The following P2RY10 variants were observed in gnomAD, a reference collection of about 807,000 sequenced individuals.
P2RY10 encodes putative P2Y purinoceptor 10.
Under a neutral mutation model 12.1 loss-of-function variants are expected in P2RY10, and 4 were observed. The observed-to-expected ratio is 0.33, with a 90% CI of 0.16 to 0.76. The LOEUF (loss-of-function observed/expected upper bound fraction) is 0.76, where lower values mean the gene tolerates loss of function less well. P2RY10 is among the 30% of genes least tolerant of loss of function. P2RY10 has a pLI of 0.61. For missense variants in P2RY10, 233 were observed against 264.6 expected (o/e 0.88, Z 0.83); for synonymous variants, 112 against 94.1 (o/e 1.19, Z -1.10).
At chrX:78,957,391 G>C (rs545016052) in intron 3 of P2RY10, among the ~76,000 whole-genome samples, 3,140 of 53,926 alleles carry the variant, frequency 0.058, 70 homozygotes, top group African/African-American at 0.082. Flanking sequence ...CACACACAGA[G>C]AGAGAGAGAG....
At position 78,959,672 on chromosome X, in the gene P2RY10, G is replaced by A. The variant is rs191406423; in HGVS notation, c.-13-836G>A. On this transcript the variant is annotated intron_variant, in intron 3 of 3. Transcript: ENST00000171757. ...TGGCCCTGTTTTGCTAGTGCCCAAAGCATTGCTAGTGCCCACAAGCATTGC... is the reference window on the plus strand; with the variant it reads ...TGGCCCTGTTTTGCTAGTGCCCAAAACATTGCTAGTGCCCACAAGCATTGC... 1.7e-3 allele frequency among the ~76,000 whole-genome samples: 195 copies of A among 111,576 alleles called. 1 individual carries two copies. In the Middle Eastern group the frequency reaches 0.019, roughly 11 times the overall value.
chrX:78,960,394 A>T (rs1922548217), intron 3 of P2RY10, 114 bp from the exon 4 acceptor site: 1 of 554,993 alleles, frequency 1.8e-6, no homozygotes, highest in African/African-American at 2.4e-5. Context: ...ATATGTAAAC[A>T]TGTCTCTTCT....
chrX:78,959,288 T>A (rs188109906), intron 3 of P2RY10, among the ~76,000 whole-genome samples: 1 of 111,208 alleles, frequency 9.0e-6, no homozygotes, highest in Admixed American at 9.6e-5. Flanking sequence ...TGTGTGGCCA[T>A]AATAAACTCC....
chrX:78,951,167 C>A (rs1193571696), intron 2 of P2RY10, among the ~76,000 whole-genome samples: 1 of 111,692 alleles, frequency 9.0e-6, no homozygotes, highest in Non-Finnish European at 1.9e-5. Flanking sequence ...TTGGGCTCAG[C>A]TCCAATGAAT....
At position 78,962,730 on chromosome X, in the gene P2RY10, A is replaced by C. The variant is rs1306044533; in HGVS notation, c.*1190A>C. Among the ~76,000 whole-genome samples the C allele has an allele frequency of 9.0e-6, 1 of 111,235 alleles. No homozygotes were observed. The highest frequency in any genetic ancestry group is 9.6e-5 in the Admixed American group (1 of 10,462). On this transcript the variant is annotated 3_prime_UTR_variant, in exon 4 of 4. Transcript: ENST00000171757. ...TCAAATAGTTCATTATTTCTAAAAA[A>C]TGTATATTTTAAGGCATGATACAAG...
Position 78,960,511 on chromosome X carries a change from C to A in P2RY10, c.-10C>A, listed in dbSNP as rs952509150. ...TATTTTGTTTTACTTTGGGCAGGAA[C>A]CATAAATCCATGGCTAACCTTGACA... On this transcript the variant is annotated 5_prime_UTR_variant, in exon 4 of 4. Transcript: ENST00000171757. 1 of 1,199,406 alleles carries A rather than the reference C, an allele frequency of 8.3e-7. No homozygotes were observed. The highest frequency in any genetic ancestry group is 1.8e-5 in the South Asian group (1 of 54,841).
chrX:78,946,934 G>T (rs752046515), intron 1 of P2RY10, among the ~76,000 whole-genome samples: 25 of 112,169 alleles, frequency 2.2e-4, no homozygotes, highest in Non-Finnish European at 3.6e-4. Context: ...AGGCCAGCCT[G>T]CTGGGCTTGG....
At position 78,952,224 on chromosome X, in the gene P2RY10, G is replaced by T. The variant is rs767474902; in HGVS notation, c.-125G>T. 62 of 749,336 alleles carry T rather than the reference G, an allele frequency of 8.3e-5. No individual in the cohort carries two copies. The highest frequency in any genetic ancestry group is 9.8e-5 in the Non-Finnish European group (62 of 634,944). 61.8% of individuals were successfully genotyped at this position (749,336 alleles called of 1,213,427 possible). A position where few individuals can be genotyped will look rare whatever the true frequency, so the allele number is the denominator to read the frequency against. On this transcript the variant is annotated 5_prime_UTR_variant, in exon 3 of 4. Coordinates refer to ENST00000171757, the MANE Select transcript of P2RY10 (RefSeq NM_014499.4). ...ACTCTATGCTGGTCATTCCCTTCAG[G>T]ATTTGGCACTCACCAACATACCCTT...
At position 78,948,651 on chromosome X, in the gene P2RY10, A is replaced by G. The variant is rs1921960589; in HGVS notation, c.-157+788A>G. ...CTCTTCTGAGTCTCTAGATTCCATT[A>G]TATCACTCTGTATACCTTTGCATAA... On this transcript the variant is annotated intron_variant, in intron 2 of 3. Transcript: ENST00000171757. 2.7e-5 allele frequency among the ~76,000 whole-genome samples: 3 copies of G among 111,460 alleles called. No individual in the cohort carries two copies. The Admixed American group carries it at 2.9e-4, about 11-fold the overall frequency.
chrX:78,954,283 T>C (rs1291767534), intron 3 of P2RY10, among the ~76,000 whole-genome samples: 1 of 111,893 alleles, frequency 8.9e-6, no homozygotes, highest in East Asian at 2.8e-4. Context: ...AAATCTTTCA[T>C]GACCCGGTAA....
At chrX:78,949,240 C>G (rs2858573) in intron 2 of P2RY10, among the ~76,000 whole-genome samples, 8 of 111,636 alleles carry the variant, frequency 7.2e-5, no homozygotes, top group African/African-American at 2.6e-4. Context: ...GGGATTATTT[C>G]TCTTTCTATT....
intron 3 of P2RY10, among the ~76,000 whole-genome samples, chrX:78,955,589 T>C (rs1922299278): frequency 8.9e-6 from 1 of 111,813 alleles, no homozygotes; most frequent in Admixed American, 9.5e-5. Context: ...AAATGTTTCT[T>C]TTCCAACTTT....
Position 78,962,779 on chromosome X carries a change from GA to G in P2RY10, c.*1249del, listed in dbSNP as rs58003072. On this transcript the variant is annotated 3_prime_UTR_variant, in exon 4 of 4. Coordinates refer to ENST00000171757, the MANE Select transcript of P2RY10 (RefSeq NM_014499.4). ...AGTCCTACAAACCTCATAAGTAGGTGAAAAAAAAAACCCTGTGGAGTGATAA... is the reference window on the plus strand; with the variant it reads ...AGTCCTACAAACCTCATAAGTAGGTGAAAAAAAAACCCTGTGGAGTGATAA... Among the ~76,000 whole-genome samples the G allele has an allele frequency of 3.5e-4, 37 of 105,820 alleles. No homozygotes were observed. Among genetic ancestry groups the G allele is most frequent in the East Asian group, 2.4e-3 (8 of 3,390 alleles). 91.9% of individuals were successfully genotyped at this position (105,820 alleles called of 115,157 possible). A position where few individuals can be genotyped will look rare whatever the true frequency, so the allele number is the denominator to read the frequency against.
At chrX:78,957,385 C>A in intron 3 of P2RY10, among the ~76,000 whole-genome samples, 1 of 81,925 alleles carries the variant, frequency 1.2e-5, no homozygotes, top group East Asian at 3.2e-4. Flanking sequence ...CACACACACA[C>A]ACAGAGAGAG....
intron 3 of P2RY10, 43 bp from the exon 4 acceptor site, chrX:78,960,465 C>T: frequency 9.8e-7 from 1 of 1,020,931 alleles, no homozygotes; most frequent in African/African-American, 1.9e-5. Flanking sequence ...AACTAAAGAA[C>T]TAATTAACCA....
At chrX:78,956,585 A>C (rs1183471814) in intron 3 of P2RY10, among the ~76,000 whole-genome samples, 2 of 110,780 alleles carry the variant, frequency 1.8e-5, no homozygotes, top group East Asian at 2.8e-4. Context: ...AACAAATTAA[A>C]AAAAAAAACC....
intron 2 of P2RY10, among the ~76,000 whole-genome samples, chrX:78,948,100 T>C (rs866524555): frequency 5.3e-5 from 6 of 112,403 alleles, no homozygotes; most frequent in Middle Eastern, 9.3e-3. Context: ...ATTTTCCAAG[T>C]ACTAAGTGCC....
intron 3 of P2RY10, among the ~76,000 whole-genome samples, chrX:78,955,077 A>G (rs778727299): frequency 8.9e-6 from 1 of 112,144 alleles, no homozygotes; most frequent in South Asian, 3.8e-4. Flanking sequence ...CATTTCCTAA[A>G]GTATCCATTG....
intron 2 of P2RY10, among the ~76,000 whole-genome samples, chrX:78,951,688 G>A (rs1378835287): frequency 9.0e-6 from 1 of 111,680 alleles, no homozygotes; most frequent in Non-Finnish European, 1.9e-5. Context: ...TCATAACTTT[G>A]TGCGTGCCAT....
Sources: allele counts gnomAD v4.1 joint callset (sites outside exome capture counted in the v4.1 genomes callset), GRCh38; gene constraint gnomAD v4.1.1; transcripts MANE v1.5; gene names NCBI Gene and HGNC (gene_info 2026-07-23, HGNC 2026-07-21).